The following MROH7 variants were observed in gnomAD, a reference collection of about 807,000 sequenced individuals.
MROH7 encodes the protein maestro heat-like repeat-containing protein family member 7.
Under a neutral mutation model 129.2 loss-of-function variants are expected in MROH7, and 113 were observed. The ratio of observed to expected loss-of-function variants is 0.87; its 90% CI spans 0.75 to 1.02. The LOEUF (loss-of-function observed/expected upper bound fraction) is 1.02. MROH7 is among the 50% of genes least tolerant of loss of function. MROH7 has a pLI of 0.00. For missense variants in MROH7, 1,601 were observed against 1,671.3 expected (o/e 0.96, Z 0.73); for synonymous variants, 655 against 667.9 (o/e 0.98, Z 0.30).
chr1:54,706,969 G>T (rs12040738), intron 22 of MROH7, among the ~76,000 whole-genome samples: 17,794 of 152,122 alleles, frequency 0.12, 1,204 homozygotes, highest in East Asian at 0.33. Context: ...CTCCCACTGA[G>T]CCTCAGTTTC....
At chr1:54,692,890 T>C (rs1039253300) in intron 16 of MROH7, among the ~76,000 whole-genome samples, 8 of 152,212 alleles carry the variant, frequency 5.3e-5, no homozygotes, top group African/African-American at 1.9e-4. Context: ...GCCTTGGAGA[T>C]GGCCTGACTG....
chr1:54,679,758 C>G, intron 12 of MROH7, 133 bp from the exon 13 acceptor site: 2 of 870,978 alleles, frequency 2.3e-6, no homozygotes, highest in Non-Finnish European at 3.6e-6. Flanking sequence ...CTTGCCTCTT[C>G]CTCTCTCTCT....
intron 15 of MROH7, among the ~76,000 whole-genome samples, chr1:54,690,265 T>A (rs1266240998): frequency 8.7e-6 from 1 of 114,422 alleles, no homozygotes; most frequent in South Asian, 2.6e-4. Context: ...GGGAGTGGGG[T>A]GAGAAGGGAG....
intron 15 of MROH7, 23 bp downstream of exon 15, chr1:54,686,471 AC>A (rs761464103): frequency 3.1e-6 from 5 of 1,603,626 alleles, no homozygotes; most frequent in Non-Finnish European, 4.3e-6. Flanking sequence ...CTCTCTCTTG[AC>A]CCTGCTGTCC....
chr1:54,643,808 C>T (rs1056872889), intron 1 of MROH7, among the ~76,000 whole-genome samples: 8 of 152,208 alleles, frequency 5.3e-5, no homozygotes, highest in African/African-American at 1.9e-4. Context: ...ATTTCCCTTT[C>T]ATTCCTCAAG....
At chr1:54,696,997 A>C (rs1645334456) in intron 17 of MROH7, among the ~76,000 whole-genome samples, 1 of 152,134 alleles carries the variant, frequency 6.6e-6, no homozygotes, top group African/African-American at 2.4e-5. Context: ...TTTAAGACTG[A>C]ATAATATTTC....
intron 11 of MROH7, 66 bp from the exon 12 acceptor site, chr1:54,679,197 C>A: frequency 6.5e-7 from 1 of 1,549,338 alleles, no homozygotes; most frequent in Non-Finnish European, 8.9e-7. Context: ...CCTCTGTGCA[C>A]AAAGCTCGAA....
At chr1:54,704,342 T>C (rs1645492107) in intron 21 of MROH7, among the ~76,000 whole-genome samples, 1 of 151,866 alleles carries the variant, frequency 6.6e-6, no homozygotes, top group Admixed American at 6.6e-5. Context: ...CCAGACCCCG[T>C]TGAAGGTAGG....
chr1:54,702,961 CG>C (rs775592171), intron 21 of MROH7, among the ~76,000 whole-genome samples: 13 of 152,130 alleles, frequency 8.5e-5, no homozygotes, highest in Admixed American at 3.3e-4. Context: ...ACGATGATCA[CG>C]GGCACTTCAA....
At chr1:54,659,249 C>T (rs1419764854) in intron 3 of MROH7, 2 of 188,706 alleles carry the variant, frequency 1.1e-5, no homozygotes, top group African/African-American at 4.9e-5. Flanking sequence ...CATGCACCAC[C>T]ACGCTTAGCT....
intron 14 of MROH7, 21 bp downstream of exon 14, chr1:54,682,815 C>A: frequency 1.2e-6 from 2 of 1,605,252 alleles, no homozygotes; most frequent in South Asian, 2.2e-5. Context: ...AGTCAGCCAG[C>A]CCCTATTGCT....
At chr1:54,700,017 T>C in intron 17 of MROH7, 1 of 634,044 alleles carries the variant, frequency 1.6e-6, no homozygotes, top group South Asian at 1.9e-5. Flanking sequence ...GGAAGCTGGC[T>C]GGCTGGTGGT....
intron 17 of MROH7, chr1:54,697,549 A>G (rs752239420): frequency 3.0e-5 from 18 of 603,716 alleles, no homozygotes; most frequent in Non-Finnish European, 4.9e-5. Context: ...TTCCCTGACC[A>G]TGGTGAGGGA....
rs1328957337 is a variant in MROH7, at chr1:54,695,358, C to G, written c.2850-18C>G. 6.6e-7 allele frequency: 1 copy of G among 1,509,398 alleles called. No homozygotes were observed. The highest frequency in any genetic ancestry group is 9.2e-7 in the Non-Finnish European group (1 of 1,090,986). 93.5% of individuals were successfully genotyped at this position (1,509,398 alleles called of 1,614,324 possible). On this transcript the variant is annotated intron_variant, in intron 16 of 23. Coordinates refer to ENST00000421030, the MANE Select transcript of MROH7 (RefSeq NM_001039464.4). ...GGGCTGGATACCTGAGGGGACTACT[C>G]CCCCTTCCCACCCCCAGGGCCATGG...
Position 54,695,462 on chromosome 1 carries a change from G to A in MROH7, c.2936G>A (p.Arg979Lys), listed in dbSNP as rs763729531. 1.2e-6 allele frequency: 2 copies of A among 1,613,836 alleles called. No individual in the cohort carries two copies. The highest frequency in any genetic ancestry group is 1.7e-6 in the Non-Finnish European group (2 of 1,179,886). Reference protein sequence around the residue: ...PLLERGDEKHRITATAFFVEL... With the variant: ...PLLERGDEKHKITATAFFVEL... The stretch of plus-strand genomic sequence containing the variant: ...CTGGAGCGAGGCGACGAGAAGCACA[G>A]GATCACGGCCACCGCCTTCTTCGTG... Residue 979 changes from arginine to lysine, a missense_variant, in exon 17 of 24, where the codon AGG (arginine) becomes AAG (lysine). Physicochemically the swap from Arg to Lys is conservative, Grantham distance 26 (BLOSUM62 2). Coordinates refer to ENST00000421030, the MANE Select transcript of MROH7 (RefSeq NM_001039464.4).
intron 22 of MROH7, 38 bp from the exon 23 acceptor site, chr1:54,708,976 G>A (rs753012827): frequency 1.8e-5 from 29 of 1,607,174 alleles, no homozygotes; most frequent in Non-Finnish European, 2.3e-5. Context: ...GGTCGACGTC[G>A]GAAGACAAAT....
intron 21 of MROH7, 141 bp downstream of exon 21, chr1:54,702,886 C>T: frequency 5.1e-6 from 5 of 984,008 alleles, no homozygotes; most frequent in Non-Finnish European, 7.4e-6. Context: ...ACGTTCCTCT[C>T]CACCTCTGGC....
In MROH7 at chr1:54,673,086, C is replaced by T; in HGVS notation, c.1600-5C>T. On this transcript the variant is annotated splice_region_variant and splice_polypyrimidine_tract_variant and intron_variant, in intron 7 of 23. Transcript: ENST00000421030. ...TTAGTGGCTTGGTCCTCCTCCCATC[C>T]ACAGGCTCTTTACCATCAGACCCTG... is the stretch of plus-strand genomic sequence containing the variant. The T allele has an allele frequency of 6.2e-7, 1 of 1,612,066 alleles. No homozygotes were observed. Among genetic ancestry groups the T allele is most frequent in the South Asian group, 1.1e-5 (1 of 90,990 alleles).
chr1:54,650,043 A>G (rs1644531086), intron 1 of MROH7, among the ~76,000 whole-genome samples: 1 of 152,236 alleles, frequency 6.6e-6, no homozygotes, highest in African/African-American at 2.4e-5. Context: ...GAATGAAGGC[A>G]GCTTCCACTG....
Sources: allele counts gnomAD v4.1 joint callset (sites outside exome capture counted in the v4.1 genomes callset), GRCh38; gene constraint gnomAD v4.1.1; transcripts MANE v1.5; gene names NCBI Gene and HGNC (gene_info 2026-07-23, HGNC 2026-07-21).